The following LCLAT1 variants were observed in gnomAD, a reference collection of about 807,000 sequenced individuals.
The protein encoded by LCLAT1 is 1-AGP acyltransferase 8.
Under a neutral mutation model 30.7 loss-of-function variants are expected in LCLAT1, and 11 were observed. The ratio of observed to expected loss-of-function variants is 0.36; its 90% CI spans 0.23 to 0.59. The LOEUF is 0.59. Ranked by LOEUF, LCLAT1 falls within the 20% of genes least tolerant of loss-of-function variation. LCLAT1 has a pLI of 0.77. For missense variants in LCLAT1, 402 were observed against 458.6 expected, an observed-to-expected ratio of 0.88 and a Z score of 1.13; for synonymous variants, 155 against 151.3, an observed-to-expected ratio of 1.02 and a Z score of -0.18.
intron 4 of LCLAT1, among the ~76,000 whole-genome samples, chr2:30,566,543 G>A (rs137994798): frequency 3.5e-4 from 53 of 152,274 alleles, no homozygotes; most frequent in African/African-American, 1.2e-3. Context: ...ATATTTCAGT[G>A]TTGTGGAAGT....
At chr2:30,525,789 T>C in intron 2 of LCLAT1, 34 bp downstream of exon 2, 1 of 1,603,644 alleles carries the variant, frequency 6.2e-7, no homozygotes, top group Non-Finnish European at 8.5e-7. Flanking sequence ...TGTCTGCTTG[T>C]ACTAGAGTGC....
chr2:30,549,748 G>A (rs1271341300), intron 3 of LCLAT1, among the ~76,000 whole-genome samples: 1 of 152,124 alleles, frequency 6.6e-6, no homozygotes, highest in Non-Finnish European at 1.5e-5. Flanking sequence ...AAAGAGAAAG[G>A]CAACATTGTA....
At chr2:30,561,480 G>C (rs920485548) in intron 3 of LCLAT1, among the ~76,000 whole-genome samples, 1 of 152,198 alleles carries the variant, frequency 6.6e-6, no homozygotes, top group Non-Finnish European at 1.5e-5. Flanking sequence ...TCTGGTCATT[G>C]TGGCTGGGGA....
chr2:30,484,776 AAAGTGATTTCATTTT>A (rs140700704), intron 1 of LCLAT1, among the ~76,000 whole-genome samples: 19,158 of 152,112 alleles, frequency 0.13, 1,310 homozygotes, highest in South Asian at 0.23. Context: ...CAGTTTTAAA[AAAGTGATTTCATTTT>A]AAAATAAGTT....
chr2:30,531,036 C>A (rs762553613), intron 2 of LCLAT1, among the ~76,000 whole-genome samples: 2 of 152,052 alleles, frequency 1.3e-5, no homozygotes, highest in African/African-American at 4.8e-5. Flanking sequence ...GAGGCCAAGG[C>A]GGGCGAGTCG....
intron 3 of LCLAT1, among the ~76,000 whole-genome samples, chr2:30,544,841 C>T (rs563761231): frequency 1.6e-4 from 24 of 152,268 alleles, no homozygotes; most frequent in African/African-American, 5.8e-4. Flanking sequence ...GTTTATTTCT[C>T]CTACTCTTTA....
chr2:30,511,276 A>G (rs1173046258), intron 1 of LCLAT1, among the ~76,000 whole-genome samples: 3 of 152,114 alleles, frequency 2.0e-5, no homozygotes, highest in East Asian at 1.9e-4. Context: ...CGGCCTCCCA[A>G]AGTGCTAGGA....
At chr2:30,449,897 A>T (rs775485853) in intron 1 of LCLAT1, among the ~76,000 whole-genome samples, 1 of 152,334 alleles carries the variant, frequency 6.6e-6, no homozygotes, top group Middle Eastern at 3.4e-3. Flanking sequence ...GGACTTTTAA[A>T]AGAAAACTGA....
At chr2:30,540,128 A>T (rs190603939) in intron 3 of LCLAT1, among the ~76,000 whole-genome samples, 112 of 152,346 alleles carry the variant, frequency 7.4e-4, no homozygotes, top group East Asian at 2.5e-3. Flanking sequence ...GGTTTCCCCA[A>T]AACAGTCGTT....
Position 30,449,583 on chromosome 2 carries a change from C to G in LCLAT1, c.-5+2200C>G, listed in dbSNP as rs530671531. 2.6e-5 allele frequency among the ~76,000 whole-genome samples: 4 copies of G among 152,120 alleles called. No individual in the cohort carries two copies. The South Asian group carries it at 6.2e-4, about 24-fold the overall frequency. Reference sequence around the variant, plus strand: ...TGGCACGATCTCGGCTCACCACAGCCTCTGCCTCCCGGGTTCAAGCGATTC... The same window carrying G: ...TGGCACGATCTCGGCTCACCACAGCGTCTGCCTCCCGGGTTCAAGCGATTC... On this transcript the variant is annotated intron_variant, in intron 1 of 5. Coordinates refer to ENST00000379509, the MANE Select transcript of LCLAT1 (RefSeq NM_001002257.3).
At chr2:30,491,538 G>A (rs72793863) in intron 1 of LCLAT1, among the ~76,000 whole-genome samples, 6 of 152,076 alleles carry the variant, frequency 3.9e-5, no homozygotes, top group Non-Finnish European at 8.8e-5. Flanking sequence ...AAACTAGGTG[G>A]CCTTATGATT....
At chr2:30,557,996 C>T (rs779676203) in intron 3 of LCLAT1, among the ~76,000 whole-genome samples, 48 of 152,234 alleles carry the variant, frequency 3.2e-4, no homozygotes, top group Admixed American at 6.5e-4. Flanking sequence ...TAAAAATTCA[C>T]TTGAAATGTA....
chr2:30,472,453 C>T (rs887491190), intron 1 of LCLAT1, among the ~76,000 whole-genome samples: 4 of 152,080 alleles, frequency 2.6e-5, no homozygotes, highest in Non-Finnish European at 4.4e-5. Flanking sequence ...AAACATCAAC[C>T]AGTTTTTGTT....
At chr2:30,523,854 G>A (rs1685589901) in intron 1 of LCLAT1, among the ~76,000 whole-genome samples, 1 of 152,206 alleles carries the variant, frequency 6.6e-6, no homozygotes, top group Admixed American at 6.5e-5. Context: ...GCGACAGAGT[G>A]AGACGCAATC....
At chr2:30,542,507 C>CT (rs2148411707) in intron 3 of LCLAT1, among the ~76,000 whole-genome samples, 1 of 152,186 alleles carries the variant, frequency 6.6e-6, no homozygotes, top group East Asian at 1.9e-4. Context: ...CAATGTCACT[C>CT]TGTCATGATA....
In LCLAT1 at chr2:30,477,594, C is replaced by T. The variant is rs369877440; in HGVS notation, c.-5+30211C>T. Among the ~76,000 whole-genome samples the T allele has an allele frequency of 1.6e-4, 25 of 152,292 alleles. No homozygotes were observed. In the East Asian group the frequency reaches 4.2e-3, roughly 26 times the overall value. Reference sequence around the variant, plus strand: ...AATGGCCTGAGCACCCCTTAGGCTTCATCTCTCCCTGATTTCACTTCTGCG... The same window carrying T: ...AATGGCCTGAGCACCCCTTAGGCTTTATCTCTCCCTGATTTCACTTCTGCG... On this transcript the variant is annotated intron_variant, in intron 1 of 5. Transcript: ENST00000379509.
chr2:30,538,017 A>T (rs10181161), intron 3 of LCLAT1, among the ~76,000 whole-genome samples: 19,264 of 152,164 alleles, frequency 0.13, 1,353 homozygotes, highest in South Asian at 0.23. Context: ...AATAAAAAAA[A>T]AATTTGAAGC....
intron 3 of LCLAT1, among the ~76,000 whole-genome samples, chr2:30,549,979 G>A (rs1369154917): frequency 5.3e-5 from 8 of 152,116 alleles, no homozygotes; most frequent in Non-Finnish European, 1.0e-4. Context: ...TGAAAATAAT[G>A]TCAAAACTAT....
chr2:30,641,314 A>AGAT lies in LCLAT1; in HGVS notation c.*696_*698dup, dbSNP rs1204408594. On this transcript the variant is annotated 3_prime_UTR_variant, in exon 6 of 6. Coordinates refer to ENST00000379509, the MANE Select transcript of LCLAT1 (RefSeq NM_001002257.3). The stretch of plus-strand genomic sequence containing the variant: ...TTGAAACTTTAGTTTGAATTTTAAA[A>AGAT]GATAGGAAGTAATACAGTTTAAGTT... 8 of 152,236 alleles carry AGAT rather than the reference A, an allele frequency of 5.3e-5. No individual in the cohort carries two copies. Among genetic ancestry groups the AGAT allele is most frequent in the Admixed American group, 5.2e-4 (8 of 15,288 alleles). The allele number at this position is 152,236 out of a possible 1,614,324, so 9.4% of individuals were successfully genotyped here.
Sources: allele counts gnomAD v4.1 joint callset (sites outside exome capture counted in the v4.1 genomes callset), GRCh38; gene constraint gnomAD v4.1.1; transcripts MANE v1.5; gene names NCBI Gene and HGNC (gene_info 2026-07-23, HGNC 2026-07-21).